The following PLIN3 variants were observed in gnomAD, a reference collection of about 807,000 sequenced individuals.
PLIN3 encodes perilipin-3.
Under a neutral mutation model 35.9 loss-of-function variants are expected in PLIN3, and 30 were observed. That is an observed-to-expected ratio of 0.84 (90% CI 0.62 to 1.13). The LOEUF is 1.13. PLIN3 is among the 50% of genes most tolerant of loss of function. PLIN3 has a pLI of 0.00. For synonymous variants in PLIN3, 261 were observed against 262.5 expected, an observed-to-expected ratio of 0.99 and a Z score of 0.06; for missense variants, 603 against 596.9, an observed-to-expected ratio of 1.01 and a Z score of -0.11.
At chr19:4,861,490 G>C in intron 1 of PLIN3, 79 bp from the exon 2 acceptor site, 3 of 985,396 alleles carry the variant, frequency 3.0e-6, no homozygotes, top group Non-Finnish European at 4.8e-6. Flanking sequence ...GCTGCAGCTG[G>C]AAGACAGGGT....
At chr19:4,860,101 A>C (rs1352655832) in intron 2 of PLIN3, 77 bp from the exon 3 acceptor site, 2 of 1,321,384 alleles carry the variant, frequency 1.5e-6, no homozygotes, top group Non-Finnish European at 2.2e-6. Flanking sequence ...GGTGCCCTGC[A>C]GTTTTGCTCT....
At position 4,839,196 on chromosome 19, in the gene PLIN3, T is replaced by G. The variant is rs2093624933; in HGVS notation, c.1301A>C (p.Lys434Thr). The G allele has an allele frequency of 3.1e-6, 5 of 1,600,012 alleles. No homozygotes were observed. In the East Asian group the frequency reaches 1.1e-4, roughly 36 times the overall value. ...GCTGAGTCCTCTCCTCTCCCCCTAC[T>G]TCTTCTCCTCCGGGGCTTTCTCAGT... ...GITEKAPEEK[K>T] Residue 434 changes from lysine to threonine, a missense_variant, in exon 8 of 8, where the codon AAG becomes ACG. Transcript: ENST00000221957.
At chr19:4,842,986 C>T (rs1162578830) in intron 7 of PLIN3, among the ~76,000 whole-genome samples, 17 of 151,878 alleles carry the variant, frequency 1.1e-4, no homozygotes, top group African/African-American at 2.4e-4. Flanking sequence ...TTTGGGAGGC[C>T]GATGTGGGCG....
intron 4 of PLIN3, among the ~76,000 whole-genome samples, chr19:4,855,110 C>T (rs1287560941): frequency 6.6e-6 from 1 of 151,754 alleles, no homozygotes; most frequent in Non-Finnish European, 1.5e-5. Flanking sequence ...ATTTGCTGGG[C>T]GTAGTGATGG....
chr19:4,843,416 G>A (rs181495134), intron 7 of PLIN3, among the ~76,000 whole-genome samples: 6 of 151,888 alleles, frequency 4.0e-5, no homozygotes, highest in African/African-American at 1.4e-4. Flanking sequence ...GCTGAGGCAG[G>A]AGAATGGCGT....
rs775451246 is a variant in PLIN3 at position 4,839,505 on chromosome 19, C to T, written c.992G>A (p.Arg331Gln). 8.4e-6 allele frequency: 13 copies of T among 1,539,062 alleles called. No homozygotes were observed. The highest frequency in any genetic ancestry group is 2.7e-5 in the African/African-American group (2 of 73,126). ...QVESRALTMF[R>Q]DIAQQLQATC... is the part of the protein sequence containing the mutation. ...GGCCTGCAGTTGCTGGGCAATGTCCCGGAACATGGTGAGCGCCCGGGACTC... is the reference window on the plus strand; with the variant it reads ...GGCCTGCAGTTGCTGGGCAATGTCCTGGAACATGGTGAGCGCCCGGGACTC... Residue 331 changes from arginine to glutamine, a missense_variant, in exon 8 of 8, where the codon CGG becomes CAG. Transcript: ENST00000221957.
intron 5 of PLIN3, among the ~76,000 whole-genome samples, chr19:4,848,562 T>C (rs567280304): frequency 7.9e-5 from 12 of 152,202 alleles, no homozygotes; most frequent in Admixed American, 5.9e-4. Flanking sequence ...ACTACAGAGG[T>C]CCCATAAGAT....
chr19:4,859,929 C>T lies in PLIN3; in HGVS notation c.162G>A (p.Pro54=), dbSNP rs774224377. 14 of 1,613,914 alleles carry T rather than the reference C, an allele frequency of 8.7e-6. No individual in the cohort carries two copies. The highest frequency in any genetic ancestry group is 8.0e-5 in the African/African-American group (6 of 74,916). The change falls in exon 3 of 8, where the codon CCG becomes CCA. Residue 54 remains proline, a synonymous_variant. Transcript: ENST00000221957. ...CTGCGTCGCAGACAGTCTTGATGTG[C>T]GGGTAGCTCTCCTTGGTGGAGGCAT... is the stretch of plus-strand genomic sequence containing the variant. ...AAYASTKESY[P]HIKTVCDAAE...
intron 1 of PLIN3, among the ~76,000 whole-genome samples, chr19:4,865,487 T>TA (rs1370695373): frequency 9.1e-5 from 13 of 142,794 alleles, no homozygotes; most frequent in Admixed American, 6.5e-4. Context: ...AGACTCCGTT[T>TA]CAAAAAAAAA....
At chr19:4,843,289 A>C (rs534895254) in intron 7 of PLIN3, among the ~76,000 whole-genome samples, 2 of 151,508 alleles carry the variant, frequency 1.3e-5, no homozygotes, top group South Asian at 4.2e-4. Flanking sequence ...GGCGGATCAC[A>C]AGGTCAGCAG....
chr19:4,854,524 C>G (rs1393926071), intron 4 of PLIN3, among the ~76,000 whole-genome samples: 1 of 152,146 alleles, frequency 6.6e-6, no homozygotes. Flanking sequence ...CTGCCTCAGC[C>G]TCCCCAGCAG....
intron 1 of PLIN3, among the ~76,000 whole-genome samples, chr19:4,866,351 C>T (rs1279472561): frequency 6.6e-6 from 1 of 152,090 alleles, no homozygotes; most frequent in Non-Finnish European, 1.5e-5. Context: ...TGGCAACTCA[C>T]TAGGAATAGG....
chr19:4,839,036 T>C lies in PLIN3; in HGVS notation c.*156A>G, dbSNP rs1045923072. On this transcript the variant is annotated 3_prime_UTR_variant, in exon 8 of 8. Coordinates refer to ENST00000221957, the MANE Select transcript of PLIN3 (RefSeq NM_005817.5). ...GAGGCTGAGAGATGGGTCAACTGGG[T>C]GATGCCCGTTTTGAGAGCCTTAGCT... is the stretch of plus-strand genomic sequence containing the variant. 1.1e-5 allele frequency: 6 copies of C among 565,850 alleles called. No individual in the cohort carries two copies. The highest frequency in any genetic ancestry group is 1.8e-5 in the Non-Finnish European group (6 of 325,394). The allele number at this position is 565,850 out of a possible 1,614,324, so 35.1% of individuals were successfully genotyped here. A position where few individuals can be genotyped will look rare whatever the true frequency, so the allele number is the denominator to read the frequency against.
chr19:4,839,532 A>T lies in PLIN3; in HGVS notation c.965T>A (p.Val322Asp). ...PEKEPPKPEQVESRALTMFRD... is the reference protein window; with the variant it reads ...PEKEPPKPEQDESRALTMFRD... ...GAACATGGTGAGCGCCCGGGACTCGACCTGCTGAGAAGGGAGATGGGGACA... is the reference window on the plus strand; with the variant it reads ...GAACATGGTGAGCGCCCGGGACTCGTCCTGCTGAGAAGGGAGATGGGGACA... The change falls in exon 8 of 8, where the codon GTC becomes GAC. Residue 322 changes from valine to aspartate, a missense_variant. Transcript: ENST00000221957. 2.0e-6 allele frequency: 3 copies of T among 1,520,178 alleles called. No individual in the cohort carries two copies. The highest frequency in any genetic ancestry group is 2.7e-6 in the Non-Finnish European group (3 of 1,130,892). The allele number at this position is 1,520,178 out of a possible 1,614,324, so 94.2% of individuals were successfully genotyped here.
chr19:4,839,635 G>T, intron 7 of PLIN3, 99 bp from the exon 8 acceptor site: 1 of 902,930 alleles, frequency 1.1e-6, no homozygotes, highest in South Asian at 2.6e-5. Context: ...TTCTACCACT[G>T]ACCTTGGGGC....
At chr19:4,847,571 C>G in intron 6 of PLIN3, 120 bp downstream of exon 6, 9 of 804,062 alleles carry the variant, frequency 1.1e-5, no homozygotes, top group Non-Finnish European at 1.8e-5. Context: ...GTGCCAGGAG[C>G]AAGCGGGAAT....
intron 4 of PLIN3, among the ~76,000 whole-genome samples, chr19:4,856,424 G>T (rs1341032350): frequency 6.6e-6 from 1 of 152,014 alleles, no homozygotes; most frequent in East Asian, 2.0e-4. Context: ...CAGGCATGGT[G>T]GTGCATGCCT....
Position 4,844,772 on chromosome 19 carries a change from C to T in PLIN3, c.856G>A (p.Val286Ile), listed in dbSNP as rs577339133. 81 of 1,601,174 alleles carry T rather than the reference C, an allele frequency of 5.1e-5. No individual in the cohort carries two copies. Among genetic ancestry groups the T allele is most frequent in the South Asian group, 5.6e-5 (5 of 88,768 alleles). ...TGGCCTTCCACCAGCTTCTGATCAA[C>T]GCCTTGCTTGACAGTTTCCATCTGG... ...LSLMETVKQG[V>I]DQKLVEGQEK... is the part of the protein sequence containing the mutation. The change falls in exon 7 of 8, where the codon GTT becomes ATT. Residue 286 changes from valine (V) to isoleucine (I), a missense_variant. Val to Ile is a conservative substitution (Grantham distance 29, BLOSUM62 3). Coordinates refer to ENST00000221957, the MANE Select transcript of PLIN3 (RefSeq NM_005817.5).
intron 5 of PLIN3, among the ~76,000 whole-genome samples, chr19:4,850,730 C>T (rs900234008): frequency 4.0e-5 from 6 of 151,552 alleles, no homozygotes; most frequent in South Asian, 2.1e-4. Context: ...CCACCGTGCC[C>T]GGCCTAATTT....
Sources: allele counts gnomAD v4.1 joint callset (sites outside exome capture counted in the v4.1 genomes callset), GRCh38; gene constraint gnomAD v4.1.1; transcripts MANE v1.5; gene names NCBI Gene and HGNC (gene_info 2026-07-23, HGNC 2026-07-21).